Variants in PRPF8 observed in about 807,000 individuals in gnomAD.
The protein encoded by PRPF8 is pre-mRNA-processing-splicing factor 8.
PRPF8 carries 64 observed loss-of-function variants against 285.9 expected under a neutral mutation model. The observed-to-expected ratio is 0.22, with a 90% CI of 0.18 to 0.28. PRPF8 has a LOEUF of 0.28. Among genes scored for constraint, PRPF8 ranks in the 10% least tolerant of loss-of-function variants. PRPF8 has a pLI of 1.00. For missense variants in PRPF8, 1,426 were observed against 3,026.7 expected (o/e 0.47, Z 12.41); for synonymous variants, 1,325 against 1,118.2 (o/e 1.18, Z -3.69).
intron 37 of PRPF8, chr17:1,654,663 G>T (rs548343342): frequency 1.4e-4 from 24 of 174,166 alleles, no homozygotes; most frequent in Non-Finnish European, 2.5e-4. Flanking sequence ...CAAGAGTCTC[G>T]CTCTGTTACC....
chr17:1,682,996 C>CA (rs943399037), intron 3 of PRPF8: 3 of 173,622 alleles, frequency 1.7e-5, no homozygotes, highest in Admixed American at 1.7e-4. Flanking sequence ...TCTTATTTTT[C>CA]ATTTTTTTTT....
At chr17:1,657,570 T>A (rs1480026741) in intron 34 of PRPF8, among the ~76,000 whole-genome samples, 1 of 116,890 alleles carries the variant, frequency 8.6e-6, no homozygotes, top group African/African-American at 3.3e-5. Context: ...GGCGTGAACC[T>A]GGGAGGCGGA....
rs368882006 is a variant in PRPF8, at chr17:1,655,347, C to A, written c.5987+3G>T. The A allele has an allele frequency of 2.2e-5, 35 of 1,612,932 alleles. No homozygotes were observed. The highest frequency in any genetic ancestry group is 3.0e-5 in the Non-Finnish European group (35 of 1,180,032). ...TGTCTGTGTCCCCACCAGCACTGCT[C>A]ACTTGTTTTTCTTGCCGTAGTCAGC... On this transcript the variant is annotated splice_donor_region_variant and intron_variant, in intron 37 of 42. Coordinates refer to ENST00000304992, the MANE Select transcript of PRPF8 (RefSeq NM_006445.4).
chr17:1,663,302 T>TG (rs1911775901), intron 24 of PRPF8, among the ~76,000 whole-genome samples: 1 of 148,982 alleles, frequency 6.7e-6, no homozygotes, highest in Non-Finnish European at 1.5e-5. Context: ...AAAAATAATT[T>TG]AAAAAAAAAA....
intron 36 of PRPF8, 90 bp from the exon 37 acceptor site, chr17:1,655,633 T>A: frequency 8.0e-7 from 1 of 1,246,320 alleles, no homozygotes. Flanking sequence ...AAGAATTTTT[T>A]TTTTTTCTTT....
Position 1,659,608 on chromosome 17 carries a change from A to G in PRPF8, c.4947-60T>C, listed in dbSNP as rs1295053519. The G allele has an allele frequency of 1.3e-6, 2 of 1,593,816 alleles. No individual in the cohort carries two copies. Among genetic ancestry groups the G allele is most frequent in the Non-Finnish European group, 1.7e-6 (2 of 1,163,400 alleles). On this transcript the variant is annotated intron_variant, in intron 31 of 42. Transcript: ENST00000304992. This position sits in a 1 kb window ranked among gnomAD's most constrained non-coding sequence, Gnocchi z 5.1. ...CATGGGCATAACCAATGTCCCCAGA[A>G]CCAGAACCACTTAAATCCCAAAACC...
intron 24 of PRPF8, among the ~76,000 whole-genome samples, chr17:1,667,371 T>C (rs1912050464): frequency 6.6e-6 from 1 of 152,162 alleles, no homozygotes; most frequent in Admixed American, 6.6e-5. Flanking sequence ...AGGAGCCCAG[T>C]GTTCCTTTAC....
At position 1,661,218 on chromosome 17, in the gene PRPF8, G is replaced by T. The variant is rs953563033; in HGVS notation, c.4338+53C>A. 1 of 1,613,884 alleles carries T rather than the reference G, an allele frequency of 6.2e-7. No individual in the cohort carries two copies. Among genetic ancestry groups the T allele is most frequent in the Admixed American group, 1.7e-5 (1 of 59,986 alleles). ...CTGGGTGCCTATTGCCCCAAGTTTC[G>T]GGGATAGCCATGGATTTTCCTGACT... On this transcript the variant is annotated intron_variant, in intron 27 of 42. Transcript: ENST00000304992. This position sits in a 1 kb window ranked among gnomAD's most constrained non-coding sequence, Gnocchi z 7.3.
chr17:1,684,355 A>C lies in PRPF8; in HGVS notation c.100+117T>G. 1.4e-5 allele frequency: 14 copies of C among 1,004,358 alleles called. No individual in the cohort carries two copies. In the South Asian group the frequency reaches 1.9e-4, roughly 13 times the overall value. 62.2% of individuals were successfully genotyped at this position (1,004,358 alleles called of 1,614,324 possible). ...TGACTTGATGAAAAATTAACTGGAA[A>C]TAACAAGGGAGCTGACACCTCAGGA... On this transcript the variant is annotated intron_variant, in intron 2 of 42. Transcript: ENST00000304992.
intron 24 of PRPF8, among the ~76,000 whole-genome samples, chr17:1,669,308 T>C (rs951654538): frequency 2.6e-5 from 4 of 152,154 alleles, no homozygotes; most frequent in South Asian, 2.1e-4. Flanking sequence ...GGTTTCACCA[T>C]GTTGGCCAGG....
chr17:1,661,097 G>C lies in PRPF8; in HGVS notation c.4404C>G (p.Asn1468Lys). Reference sequence around the variant, plus strand: ...CCTGGATCATGTCTGTACGGTAGTTGTTCAGGTTCCAGAGCTTCCCATCAT... The same window carrying C: ...CCTGGATCATGTCTGTACGGTAGTTCTTCAGGTTCCAGAGCTTCCCATCAT... ...QRHDGKLWNLNNYRTDMIQAL... is the reference protein window; with the variant it reads ...QRHDGKLWNLKNYRTDMIQAL... The change falls in exon 28 of 43, where the codon AAC becomes AAG. Residue 1468 changes from asparagine (N) to lysine (K), a missense_variant. Around this residue, in one of 34 missense-constraint regions of PRPF8, gnomAD observed 23 missense variants for 43.6 expected, o/e 0.53. Transcript: ENST00000304992. This position sits in a 1 kb window ranked among gnomAD's most constrained non-coding sequence, Gnocchi z 7.3. The C allele has an allele frequency of 6.2e-7, 1 of 1,614,228 alleles. No individual in the cohort carries two copies. The highest frequency in any genetic ancestry group is 8.5e-7 in the Non-Finnish European group (1 of 1,180,040).
chr17:1,657,315 T>C (rs920559242), intron 34 of PRPF8, among the ~76,000 whole-genome samples: 2 of 152,024 alleles, frequency 1.3e-5, no homozygotes, highest in African/African-American at 4.8e-5. Context: ...AGTTGTGAGG[T>C]AGAGAAGAGA....
chr17:1,659,156 G>T lies in PRPF8; in HGVS notation c.5138+201C>A. On this transcript the variant is annotated intron_variant, in intron 32 of 42. Coordinates refer to ENST00000304992, the MANE Select transcript of PRPF8 (RefSeq NM_006445.4). The surrounding 1 kb of genome is among the most constrained non-coding windows in gnomAD (Gnocchi z 5.1). ...TTCTCCCACCTCAACCTTCTGAGTAGCTGGGACTACAGGCGTGGACCACCA... is the reference window on the plus strand; with the variant it reads ...TTCTCCCACCTCAACCTTCTGAGTATCTGGGACTACAGGCGTGGACCACCA... 2.9e-6 allele frequency: 2 copies of T among 684,724 alleles called. No individual in the cohort carries two copies. Among genetic ancestry groups the T allele is most frequent in the South Asian group, 1.6e-5 (1 of 61,552 alleles). 42.4% of individuals were successfully genotyped at this position (684,724 alleles called of 1,614,324 possible).
In PRPF8 at chr17:1,661,021, A is replaced by G. The variant is rs1911656178; in HGVS notation, c.4480T>C (p.Tyr1494His). 1.2e-6 allele frequency: 2 copies of G among 1,614,152 alleles called. No individual in the cohort carries two copies. The highest frequency in any genetic ancestry group is 2.2e-5 in the East Asian group (1 of 44,888). Residue 1494 changes from tyrosine to histidine, a missense_variant, in exon 28 of 43, where the codon TAC becomes CAC. Around this residue, in one of 34 missense-constraint regions of PRPF8, gnomAD observed 23 missense variants for 43.6 expected, o/e 0.53. Coordinates refer to ENST00000304992, the MANE Select transcript of PRPF8 (RefSeq NM_006445.4). The surrounding 1 kb of genome is among the most constrained non-coding windows in gnomAD (Gnocchi z 7.3). The part of the protein sequence containing the change: ...ILEHTLFKGT[Y>H]FPTWEGLFWE... ...AAAAGCCCCTCCCAGGTAGGGAAGT[A>G]AGTGCCCTTAAAGAGTGTGTGTTCC...
Position 1,680,823 on chromosome 17 carries a change from G to C in PRPF8, c.1001C>G (p.Thr334Ser). ...AGTTTTGATGAATACAACATTGGGA[G>C]TATGGTACCTAAAATGAAAGGAAGA... ...PHHVHLTWYHTPNVVFIKTED... is the reference protein window; with the variant it reads ...PHHVHLTWYHSPNVVFIKTED... Residue 334 changes from threonine to serine, a missense_variant, in exon 8 of 43, where the codon ACT becomes AGT. Around this residue, in one of 34 missense-constraint regions of PRPF8, gnomAD observed 157 missense variants for 159.6 expected, o/e 0.98. Coordinates refer to ENST00000304992, the MANE Select transcript of PRPF8 (RefSeq NM_006445.4). The C allele has an allele frequency of 6.2e-7, 1 of 1,614,088 alleles. No homozygotes were observed. The highest frequency in any genetic ancestry group is 2.2e-5 in the East Asian group (1 of 44,882).
chr17:1,676,905 T>C lies in PRPF8; in HGVS notation c.2181+71A>G. On this transcript the variant is annotated intron_variant, in intron 15 of 42. Transcript: ENST00000304992. The surrounding 1 kb of genome is among the most constrained non-coding windows in gnomAD (Gnocchi z 6.3). ...AGATTGGAGCCAGATAGCCCCCTAA[T>C]GATTCCCGAAGTGGTAATCCTACCC... 6.4e-7 allele frequency: 1 copy of C among 1,572,680 alleles called. No homozygotes were observed. The highest frequency in any genetic ancestry group is 2.2e-5 in the East Asian group (1 of 44,694).
chr17:1,684,394 G>A lies in PRPF8; in HGVS notation c.100+78C>T, dbSNP rs1248278294. The A allele has an allele frequency of 1.9e-5, 28 of 1,449,282 alleles. No homozygotes were observed. In the South Asian group the frequency reaches 2.6e-4, roughly 14 times the overall value. The allele number at this position is 1,449,282 out of a possible 1,614,324, so 89.8% of individuals were successfully genotyped here. A position where few individuals can be genotyped will look rare whatever the true frequency, so the allele number is the denominator to read the frequency against. ...GACACCTCAGGAGCTGCCCAAACGG[G>A]GAGGGTCCCCACCCGCCTGCGCGCG... On this transcript the variant is annotated intron_variant, in intron 2 of 42. Coordinates refer to ENST00000304992, the MANE Select transcript of PRPF8 (RefSeq NM_006445.4).
Position 1,673,621 on chromosome 17 carries a change from A to G in PRPF8, c.3447-54T>C. 1 of 1,612,290 alleles carries G rather than the reference A, an allele frequency of 6.2e-7. No individual in the cohort carries two copies. Among genetic ancestry groups the G allele is most frequent in the Non-Finnish European group, 8.5e-7 (1 of 1,179,352 alleles). Reference sequence around the variant, plus strand: ...AGTTTCTTGGAAGGAACTTCCCTTCAAAGGCCAACTGATGACATCCTGACA... The same window carrying G: ...AGTTTCTTGGAAGGAACTTCCCTTCGAAGGCCAACTGATGACATCCTGACA... On this transcript the variant is annotated intron_variant, in intron 22 of 42. Transcript: ENST00000304992. The surrounding 1 kb of genome is among the most constrained non-coding windows in gnomAD (Gnocchi z 5.5).
In PRPF8 at chr17:1,661,461, C is replaced by A; in HGVS notation, c.4203-55G>T. 1 of 1,613,346 alleles carries A rather than the reference C, an allele frequency of 6.2e-7. No homozygotes were observed. Among genetic ancestry groups the A allele is most frequent in the Non-Finnish European group, 8.5e-7 (1 of 1,179,780 alleles). ...ACGTGATCTCATATGAGGAGCTCAG[C>A]ACTCCTTCCTGGCCAAAAATAATTA... On this transcript the variant is annotated intron_variant, in intron 26 of 42. Coordinates refer to ENST00000304992, the MANE Select transcript of PRPF8 (RefSeq NM_006445.4). This position sits in a 1 kb window ranked among gnomAD's most constrained non-coding sequence, Gnocchi z 7.3.
Sources: allele counts gnomAD v4.1 joint callset (sites outside exome capture counted in the v4.1 genomes callset), GRCh38; gene constraint gnomAD v4.1.1; regional missense constraint gnomAD v4.1.1; non-coding constraint Gnocchi (gnomAD v3.1); transcripts MANE v1.5; gene names NCBI Gene and HGNC (gene_info 2026-07-23, HGNC 2026-07-21).